Variants in CNTN6 observed in about 807,000 individuals in gnomAD.
The protein encoded by CNTN6 is contactin 6.
CNTN6 carries 137 observed loss-of-function variants against 122.8 expected under a neutral mutation model. The observed-to-expected ratio is 1.12, with a 90% CI of 0.97 to 1.29. CNTN6 has a LOEUF of 1.29. CNTN6 is among the 50% of genes most tolerant of loss of function. The pLI, the probability that CNTN6 is intolerant of heterozygous loss-of-function variation, is 0.00. For synonymous variants in CNTN6, 570 were observed against 426.0 expected, an observed-to-expected ratio of 1.34 and a Z score of -4.16; for missense variants, 1,634 against 1,223.4, an observed-to-expected ratio of 1.34 and a Z score of -5.01.
chr3:1,357,217 T>C (rs1706704671), intron 12 of CNTN6, among the ~76,000 whole-genome samples: 1 of 151,364 alleles, frequency 6.6e-6, no homozygotes, highest in Non-Finnish European at 1.5e-5. Context: ...TTAATTTTGA[T>C]AAAAATAGGG....
chr3:1,142,872 G>C (rs1006261518), intron 1 of CNTN6, among the ~76,000 whole-genome samples: 6 of 151,230 alleles, frequency 4.0e-5, no homozygotes, highest in African/African-American at 1.5e-4. Context: ...TTATAAATTT[G>C]TGTGTACAAA....
At chr3:1,375,503 A>G (rs141969733) in intron 16 of CNTN6, among the ~76,000 whole-genome samples, 17 of 152,198 alleles carry the variant, frequency 1.1e-4, no homozygotes, top group African/African-American at 3.6e-4. Context: ...TAGGGAAAGG[A>G]ATTTTCTATT....
rs768317721 is a variant in CNTN6, at chr3:1,297,910, C to T, written c.680C>T (p.Pro227Leu). ...RTDGVMGEYE[P>L]KIEVRFPETI... ...ACAGGTGTGATGGGGGAATATGAAC[C>T]AAAGATTGAAGTGCGTTTTCCTGAA... The change falls in exon 7 of 23, where the codon CCA becomes CTA. Residue 227 changes from proline (P) to leucine (L), a missense_variant. Pro to Leu is a moderately conservative substitution (Grantham distance 98, BLOSUM62 -3). Coordinates refer to ENST00000446702, the MANE Select transcript of CNTN6 (RefSeq NM_001289080.2). 7 of 1,612,008 alleles carry T rather than the reference C, an allele frequency of 4.3e-6. No individual in the cohort carries two copies. Among genetic ancestry groups the T allele is most frequent in the Admixed American group, 3.3e-5 (2 of 59,890 alleles).
intron 11 of CNTN6, among the ~76,000 whole-genome samples, chr3:1,341,730 C>T (rs1703920493): frequency 6.6e-6 from 1 of 152,112 alleles, no homozygotes; most frequent in Non-Finnish European, 1.5e-5. Context: ...ATTTAGAGGT[C>T]TGAATATTTG....
intron 2 of CNTN6, among the ~76,000 whole-genome samples, chr3:1,177,779 T>C (rs1559462373): frequency 6.6e-6 from 1 of 152,018 alleles, no homozygotes; most frequent in Non-Finnish European, 1.5e-5. Flanking sequence ...TCGGTATATA[T>C]GTATAAATTT....
chr3:1,403,102 G>C (rs1695937694), intron 22 of CNTN6, among the ~76,000 whole-genome samples: 1 of 151,970 alleles, frequency 6.6e-6, no homozygotes, highest in Non-Finnish European at 1.5e-5. Context: ...GCCAATTTAG[G>C]GATTTTCCTT....
intron 11 of CNTN6, among the ~76,000 whole-genome samples, chr3:1,333,943 C>T (rs1416832546): frequency 6.6e-6 from 1 of 152,046 alleles, no homozygotes; most frequent in South Asian, 2.1e-4. Context: ...TCACATGATT[C>T]AACGTAATTT....
intron 8 of CNTN6, among the ~76,000 whole-genome samples, chr3:1,323,445 T>C (rs1701131667): frequency 6.6e-6 from 1 of 151,712 alleles, no homozygotes; most frequent in African/African-American, 2.4e-5. Flanking sequence ...GGATACTTAG[T>C]CAATAACATA....
At chr3:1,304,743 C>T (rs1698049322) in intron 7 of CNTN6, among the ~76,000 whole-genome samples, 1 of 152,052 alleles carries the variant, frequency 6.6e-6, no homozygotes, top group East Asian at 1.9e-4. Context: ...CCTGTAATCC[C>T]AGCACTTTGG....
Position 1,385,787 on chromosome 3 carries a change from C to T in CNTN6, c.2694C>T (p.Thr898=). The T allele has an allele frequency of 6.2e-7, 1 of 1,608,156 alleles. No homozygotes were observed. Among genetic ancestry groups the T allele is most frequent in the Middle Eastern group, 1.7e-4 (1 of 6,016 alleles). The change falls in exon 20 of 23, where the codon ACC becomes ACT. Residue 898 remains threonine, a synonymous_variant. Coordinates refer to ENST00000446702, the MANE Select transcript of CNTN6 (RefSeq NM_001289080.2). ...CAAGCCCCCCAGTCAATGTTACCAC[C>T]AAAAAGTCTCGTAAGTATGCATACA... is the stretch of plus-strand genomic sequence containing the variant. ...GPSSPPVNVT[T]KKSPPSQPPA...
In CNTN6 at chr3:1,257,495, C is replaced by T. The variant is rs530546177; in HGVS notation, c.359-20918C>T. ...TAATTCCTTCGAGGCCTTCGATTCA[C>T]CTTGAATTTTTTGTAATGAGCCTGA... is the stretch of plus-strand genomic sequence containing the variant. On this transcript the variant is annotated intron_variant, in intron 4 of 22. Coordinates refer to ENST00000446702, the MANE Select transcript of CNTN6 (RefSeq NM_001289080.2). Among the ~76,000 whole-genome samples, 14 of 152,180 alleles carry T rather than the reference C, an allele frequency of 9.2e-5. No individual in the cohort carries two copies. In the South Asian group the frequency reaches 2.9e-3, roughly 32 times the overall value.
intron 4 of CNTN6, among the ~76,000 whole-genome samples, chr3:1,247,339 G>C (rs1391638996): frequency 1.3e-5 from 2 of 150,632 alleles, no homozygotes; most frequent in East Asian, 3.9e-4. Flanking sequence ...GCCTGCTATT[G>C]ACCTCTTTTT....
At chr3:1,364,097 G>A (rs1054087674) in intron 12 of CNTN6, among the ~76,000 whole-genome samples, 1 of 151,802 alleles carries the variant, frequency 6.6e-6, no homozygotes, top group African/African-American at 2.4e-5. Context: ...ACAGTTGGAA[G>A]GAAAACCATG....
chr3:1,375,314 ACT>A (rs775804803), intron 16 of CNTN6, among the ~76,000 whole-genome samples: 8 of 151,852 alleles, frequency 5.3e-5, no homozygotes, highest in Non-Finnish European at 7.4e-5. Context: ...AACCATTAAT[ACT>A]CTCTTGTTTC....
At chr3:1,355,142 A>G (rs931132300) in intron 12 of CNTN6, among the ~76,000 whole-genome samples, 5 of 151,744 alleles carry the variant, frequency 3.3e-5, no homozygotes, top group South Asian at 2.1e-4. Flanking sequence ...ACACATCCAC[A>G]TCCCATTTTA....
intron 5 of CNTN6, among the ~76,000 whole-genome samples, chr3:1,293,686 A>G (rs746158641): frequency 7.2e-5 from 11 of 152,134 alleles, no homozygotes; most frequent in Admixed American, 2.6e-4. Context: ...TCAAAAGTGT[A>G]TGAGGGTCCA....
chr3:1,387,427 G>A (rs1321579392), intron 20 of CNTN6, among the ~76,000 whole-genome samples: 1 of 152,128 alleles, frequency 6.6e-6, no homozygotes, highest in Non-Finnish European at 1.5e-5. Flanking sequence ...GGTCTTCCTG[G>A]AGTGGTTTAG....
At chr3:1,152,758 A>G (rs2092875791) in intron 2 of CNTN6, among the ~76,000 whole-genome samples, 3 of 152,306 alleles carry the variant, frequency 2.0e-5, no homozygotes, top group South Asian at 4.1e-4. Context: ...CTTGATGATA[A>G]TAGGTTGAAT....
At chr3:1,301,122 C>G (rs577944050) in intron 7 of CNTN6, among the ~76,000 whole-genome samples, 7 of 149,642 alleles carry the variant, frequency 4.7e-5, no homozygotes, top group African/African-American at 1.5e-4. Context: ...CTGCAACCTC[C>G]GCGTCCCCGG....
Sources: gnomAD v4.1 joint callset for allele counts (sites outside exome capture counted in the v4.1 genomes callset) on GRCh38, gnomAD v4.1.1 for gene constraint, MANE v1.5 for transcripts, NCBI Gene and HGNC (gene_info 2026-07-23, HGNC 2026-07-21) for gene names.